Variants in SGIP1 observed in about 807,000 individuals in gnomAD.
SGIP1 encodes SH3-containing GRB2-like protein 3-interacting protein 1.
In SGIP1, 38 loss-of-function variants were observed where a neutral mutation model predicts 107.5. The observed-to-expected ratio is 0.35, with a 90% CI of 0.27 to 0.46. SGIP1 has a LOEUF of 0.46. Ranked by LOEUF, SGIP1 falls within the 20% of genes least tolerant of loss-of-function variation. The pLI, the probability that SGIP1 is intolerant of heterozygous loss-of-function variation, is 1.00. For synonymous variants in SGIP1, 365 were observed against 366.1 expected, an observed-to-expected ratio of 1.00 and a Z score of 0.03; for missense variants, 929 against 1,019.5, an observed-to-expected ratio of 0.91 and a Z score of 1.21.
chr1:66,732,453 C>A (rs1289559357), intron 20 of SGIP1, among the ~76,000 whole-genome samples: 1 of 152,036 alleles, frequency 6.6e-6, no homozygotes, highest in Non-Finnish European at 1.5e-5. Flanking sequence ...GTCTTAAGGA[C>A]CAGGTGTATT....
At chr1:66,613,944 T>G (rs2068614869) in intron 1 of SGIP1, among the ~76,000 whole-genome samples, 1 of 152,190 alleles carries the variant, frequency 6.6e-6, no homozygotes, top group African/African-American at 2.4e-5. Flanking sequence ...TGAAGATATC[T>G]TCTGATAGTG....
intron 2 of SGIP1, among the ~76,000 whole-genome samples, chr1:66,630,328 C>A (rs1027583802): frequency 6.6e-6 from 1 of 152,160 alleles, no homozygotes; most frequent in African/African-American, 2.4e-5. Flanking sequence ...CGAGCTTTTG[C>A]CGCATCTATT....
chr1:66,554,837 C>G (rs964160096), intron 1 of SGIP1, among the ~76,000 whole-genome samples: 3 of 152,100 alleles, frequency 2.0e-5, no homozygotes, highest in African/African-American at 7.2e-5. Context: ...AATATCGTTC[C>G]AACTTTGCTA....
intron 21 of SGIP1, among the ~76,000 whole-genome samples, chr1:66,737,643 T>C (rs1366756673): frequency 6.6e-6 from 1 of 152,238 alleles, no homozygotes; most frequent in Non-Finnish European, 1.5e-5. Flanking sequence ...AGTTTCCTCA[T>C]CTACAAATAA....
intron 1 of SGIP1, among the ~76,000 whole-genome samples, chr1:66,560,893 G>A (rs2058838487): frequency 6.6e-6 from 1 of 152,000 alleles, no homozygotes; most frequent in South Asian, 2.1e-4. Flanking sequence ...CTTGGCCTTT[G>A]TGAATGTTAA....
At chr1:66,725,428 C>T (rs1465301844) in intron 19 of SGIP1, among the ~76,000 whole-genome samples, 2 of 152,166 alleles carry the variant, frequency 1.3e-5, no homozygotes, top group Non-Finnish European at 2.9e-5. Context: ...GCAAAGTTTT[C>T]ATTTATTAAC....
At chr1:66,597,073 G>A (rs137884790) in intron 1 of SGIP1, among the ~76,000 whole-genome samples, 81 of 152,272 alleles carry the variant, frequency 5.3e-4, no homozygotes, top group East Asian at 2.9e-3. Context: ...TTTAGTACAT[G>A]TGCAGGTTTA....
intron 2 of SGIP1, among the ~76,000 whole-genome samples, chr1:66,627,758 T>C (rs1207162677): frequency 1.3e-5 from 2 of 152,202 alleles, no homozygotes; most frequent in African/African-American, 4.8e-5. Flanking sequence ...TGCCATTTTC[T>C]TTCTTATACT....
intron 1 of SGIP1, 76 bp from the exon 2 acceptor site, chr1:66,625,771 G>T (rs2072521495): frequency 7.9e-7 from 1 of 1,267,122 alleles, no homozygotes; most frequent in Non-Finnish European, 1.1e-6. Context: ...AGTCTAACTG[G>T]TGTGTTACAA....
intron 9 of SGIP1, among the ~76,000 whole-genome samples, chr1:66,669,450 C>T (rs1189597999): frequency 1.3e-5 from 2 of 152,188 alleles, no homozygotes; most frequent in Admixed American, 1.3e-4. Context: ...ATTTATTAAT[C>T]TTGTGATTGA....
chr1:66,548,372 A>T (rs935668812), intron 1 of SGIP1, among the ~76,000 whole-genome samples: 1 of 152,012 alleles, frequency 6.6e-6, no homozygotes, highest in Non-Finnish European at 1.5e-5. Flanking sequence ...CCCCCAAGCC[A>T]CTCATTGGCA....
At position 66,679,664 on chromosome 1, in the gene SGIP1, T is replaced by C; in HGVS notation, c.740-14T>C. 6.2e-7 allele frequency: 1 copy of C among 1,602,348 alleles called. No individual in the cohort carries two copies. Among genetic ancestry groups the C allele is most frequent in the Non-Finnish European group, 8.5e-7 (1 of 1,176,604 alleles). On this transcript the variant is annotated splice_polypyrimidine_tract_variant and intron_variant, in intron 13 of 24. Coordinates refer to ENST00000371037, the MANE Select transcript of SGIP1 (RefSeq NM_032291.4). ...CACATGACCAATGATACTTAATTTC[T>C]CATCTTTTTGCAGCACCTCCACCAC...
intron 3 of SGIP1, among the ~76,000 whole-genome samples, chr1:66,633,907 A>G (rs972287584): frequency 6.6e-6 from 1 of 152,150 alleles, no homozygotes; most frequent in African/African-American, 2.4e-5. Flanking sequence ...AATATTATAC[A>G]TAAACTGGGG....
At chr1:66,632,007 C>G (rs1414732693) in intron 2 of SGIP1, among the ~76,000 whole-genome samples, 3 of 152,116 alleles carry the variant, frequency 2.0e-5, no homozygotes, top group African/African-American at 7.2e-5. Context: ...TCCAAAATAC[C>G]TCTAATACCT....
intron 19 of SGIP1, among the ~76,000 whole-genome samples, chr1:66,721,228 C>T (rs1406629877): frequency 2.6e-5 from 4 of 152,130 alleles, no homozygotes; most frequent in African/African-American, 7.2e-5. Flanking sequence ...ACATCATGAG[C>T]GTTAGCTGTA....
At chr1:66,544,775 A>G (rs2055947771) in intron 1 of SGIP1, among the ~76,000 whole-genome samples, 1 of 152,212 alleles carries the variant, frequency 6.6e-6, no homozygotes, top group Admixed American at 6.5e-5. Flanking sequence ...GTGAATCACC[A>G]AAAATGACAT....
At chr1:66,712,568 C>A (rs2092987857) in intron 18 of SGIP1, among the ~76,000 whole-genome samples, 1 of 152,056 alleles carries the variant, frequency 6.6e-6, no homozygotes, top group South Asian at 2.1e-4. Flanking sequence ...TGCTTTTTTT[C>A]TCTTTCCTCT....
intron 1 of SGIP1, among the ~76,000 whole-genome samples, chr1:66,549,441 G>A (rs1008366658): frequency 2.0e-5 from 3 of 152,152 alleles, no homozygotes; most frequent in African/African-American, 7.2e-5. Context: ...TTATGTGAAG[G>A]AAGCGTTGAA....
At chr1:66,626,137 C>CTT (rs35959436) in intron 2 of SGIP1, 2,936 of 122,894 alleles carry the variant, frequency 0.024, 102 homozygotes, top group African/African-American at 0.073. Context: ...TTCTTTCTTT[C>CTT]TTTTTTTTTT....
Sources: gnomAD v4.1 joint callset for allele counts (sites outside exome capture counted in the v4.1 genomes callset) on GRCh38, gnomAD v4.1.1 for gene constraint, MANE v1.5 for transcripts, NCBI Gene and HGNC (gene_info 2026-07-23, HGNC 2026-07-21) for gene names.